Variants in TRAF2 observed in about 807,000 individuals in gnomAD.
TRAF2 encodes TNF receptor associated factor 2.
A neutral mutation model predicts 55.6 loss-of-function variants in TRAF2; 6 were observed. The observed-to-expected ratio is 0.11, with a 90% confidence interval of 0.06 to 0.21. The LOEUF (loss-of-function observed/expected upper bound fraction) is 0.21. Ranked by LOEUF, TRAF2 falls within the 10% of genes least tolerant of loss-of-function variation. The pLI, the probability that TRAF2 is intolerant of heterozygous loss-of-function variation, is 1.00. For synonymous variants in TRAF2, 329 were observed against 276.3 expected (o/e 1.19, Z -1.89); for missense variants, 561 against 684.5 (o/e 0.82, Z 2.01).
chr9:136,900,565 C>A, intron 4 of TRAF2, 45 bp downstream of exon 4: 1 of 1,536,664 alleles, frequency 6.5e-7, no homozygotes, highest in South Asian at 1.1e-5. Flanking sequence ...CTCCAGCAGT[C>A]GGGAGTCGTC....
Position 136,921,042 on chromosome 9 carries a change from A to G in TRAF2, c.965A>G (p.Gln322Arg). Reference sequence around the variant, plus strand: ...GGTGGTCTTGGCACCCGGCAGGTGCAGCAGCTGGAGAGGAGCATTGGCCTC... The same window carrying G: ...GGTGGTCTTGGCACCCGGCAGGTGCGGCAGCTGGAGAGGAGCATTGGCCTC... Reference protein sequence around the residue: ...DKIEALSSKVQQLERSIGLKD... With the variant: ...DKIEALSSKVRQLERSIGLKD... The change falls in exon 9 of 11, where the codon CAG becomes CGG. Residue 322 changes from glutamine (Q) to arginine (R), a missense_variant. By Grantham distance (43) the Gln-to-Arg change is conservative. Around this residue, in one of 2 missense-constraint regions of TRAF2, gnomAD observed 426 missense variants for 476.8 expected, o/e 0.89. Coordinates refer to ENST00000247668, the MANE Select transcript of TRAF2 (RefSeq NM_021138.4). The G allele has an allele frequency of 1.9e-6, 3 of 1,613,756 alleles. No individual in the cohort carries two copies. In the South Asian group the frequency reaches 3.3e-5, roughly 18 times the overall value.
chr9:136,884,457 G>A (rs368747397), upstream of TRAF2, among the ~76,000 whole-genome samples: 12 of 152,210 alleles, frequency 7.9e-5, no homozygotes, highest in African/African-American at 2.9e-4. Context: ...CTACTCCGGA[G>A]GCTTAGGCAG....
chr9:136,912,185 CAG>C (rs535305501), intron 6 of TRAF2, among the ~76,000 whole-genome samples: 15 of 81,610 alleles, frequency 1.8e-4, no homozygotes, highest in Admixed American at 5.9e-4. Context: ...TTTTTGGAGA[CAG>C]AGTCTCACTC....
Position 136,898,842 on chromosome 9 carries a change from C to T in TRAF2, c.102C>T (p.Cys34=), listed in dbSNP as rs761999338. The T allele has an allele frequency of 2.6e-5, 42 of 1,613,726 alleles. No homozygotes were observed. The highest frequency in any genetic ancestry group is 3.3e-4 in the Middle Eastern group (2 of 6,058). The change falls in exon 2 of 11, where the codon TGC becomes TGT. Residue 34 remains cysteine, a synonymous_variant. Coordinates refer to ENST00000247668, the MANE Select transcript of TRAF2 (RefSeq NM_021138.4). ...CCAAGCTGGAAGCCAAGTACCTGTG[C>T]TCCGCCTGCAGAAACGTCCTCCGCA... ...LGTKLEAKYL[C]SACRNVLRRP... is the part of the protein sequence containing the mutation.
chr9:136,920,133 C>A, intron 7 of TRAF2, 101 bp from the exon 8 acceptor site: 2 of 1,418,786 alleles, frequency 1.4e-6, no homozygotes, highest in Non-Finnish European at 1.9e-6. Context: ...TGACCCTGGC[C>A]TGTCTCCTCA....
chr9:136,886,522 G>A lies in TRAF2; in HGVS notation c.-48G>A. On this transcript the variant is annotated 5_prime_UTR_variant, in exon 1 of 11. Coordinates refer to ENST00000247668, the MANE Select transcript of TRAF2 (RefSeq NM_021138.4). ...GGTAGCTGGGCGGGCCCTTAGTTCC[G>A]GGCGCGCTGCGACCGTTGGGTGAGG... 1.0e-6 allele frequency: 1 copy of A among 990,438 alleles called. No homozygotes were observed. The highest frequency in any genetic ancestry group is 1.2e-6 in the Non-Finnish European group (1 of 833,390). The allele number at this position is 990,438 out of a possible 1,614,324, so 61.4% of individuals were successfully genotyped here.
chr9:136,885,648 G>A (rs2131266319), upstream of TRAF2, among the ~76,000 whole-genome samples: 1 of 152,254 alleles, frequency 6.6e-6, no homozygotes, highest in Non-Finnish European at 1.5e-5. Flanking sequence ...GGCGCCTGTA[G>A]TCCCAGCTAC....
intron 1 of TRAF2, among the ~76,000 whole-genome samples, chr9:136,887,147 T>G (rs1216411314): frequency 6.6e-6 from 1 of 151,944 alleles, no homozygotes; most frequent in African/African-American, 2.4e-5. Context: ...CTCTGGCTGC[T>G]GGGAGGGTCG....
At chr9:136,920,625 A>G in intron 8 of TRAF2, 110 bp downstream of exon 8, 1 of 1,374,966 alleles carries the variant, frequency 7.3e-7, no homozygotes, top group South Asian at 1.5e-5. Flanking sequence ...CGGACAATGT[A>G]GAACTCCATC....
At chr9:136,888,103 T>G (rs1373704045) in intron 1 of TRAF2, among the ~76,000 whole-genome samples, 1 of 152,058 alleles carries the variant, frequency 6.6e-6, no homozygotes, top group Non-Finnish European at 1.5e-5. Context: ...ACTCTTGACC[T>G]TAGGTGATCC....
chr9:136,908,189 C>T lies in TRAF2; in HGVS notation c.486C>T (p.Ser162=), dbSNP rs768718502. 10 of 1,600,374 alleles carry T rather than the reference C, an allele frequency of 6.2e-6. No individual in the cohort carries two copies. Among genetic ancestry groups the T allele is most frequent in the East Asian group, 4.5e-5 (2 of 44,866 alleles). The change falls in exon 5 of 11, where the codon AGC becomes AGT. Residue 162 remains serine (S), a synonymous_variant. Transcript: ENST00000247668. ...ACGAGTGCCCGGAGAGAAGCCTGAGCTGCCGGCATTGCCGGGCACCCTGCT... is the reference window on the plus strand; with the variant it reads ...ACGAGTGCCCGGAGAGAAGCCTGAGTTGCCGGCATTGCCGGGCACCCTGCT... ...LEHECPERSL[S]CRHCRAPCCG... is the part of the protein sequence containing the mutation.
chr9:136,888,488 C>T (rs890019127), intron 1 of TRAF2, among the ~76,000 whole-genome samples: 1 of 152,162 alleles, frequency 6.6e-6, no homozygotes. Context: ...TTGTATGAAG[C>T]AGTTGTGTGC....
chr9:136,921,775 A>AG (rs1429671652), intron 9 of TRAF2, among the ~76,000 whole-genome samples: 8 of 148,354 alleles, frequency 5.4e-5, no homozygotes, highest in African/African-American at 1.7e-4. Flanking sequence ...ACTGCTGGAG[A>AG]GGGGGTGGGG....
intron 7 of TRAF2, among the ~76,000 whole-genome samples, chr9:136,918,225 G>GTT (rs1182392869): frequency 8.1e-5 from 7 of 86,500 alleles, no homozygotes; most frequent in Non-Finnish European, 2.1e-5. Context: ...AGAGTGTTTT[G>GTT]TTTATATATA....
upstream of TRAF2, chr9:136,882,671 G>A (rs1047564721): frequency 2.0e-6 from 2 of 985,504 alleles, no homozygotes; most frequent in African/African-American, 3.5e-5. Flanking sequence ...CGGCAGGAAG[G>A]AGCCCACGTG....
At chr9:136,914,844 C>T (rs1475501016) in intron 6 of TRAF2, among the ~76,000 whole-genome samples, 1 of 151,918 alleles carries the variant, frequency 6.6e-6, no homozygotes, top group African/African-American at 2.4e-5. Flanking sequence ...CCACGGAGGC[C>T]CATTTGTTTC....
At chr9:136,918,341 C>G (rs1850297319) in intron 7 of TRAF2, among the ~76,000 whole-genome samples, 1 of 150,522 alleles carries the variant, frequency 6.6e-6, no homozygotes, top group South Asian at 2.1e-4. Context: ...ATGATCTCAG[C>G]TCACTGCAAC....
At chr9:136,894,509 A>C (rs549514088) in intron 1 of TRAF2, among the ~76,000 whole-genome samples, 1 of 152,272 alleles carries the variant, frequency 6.6e-6, no homozygotes, top group South Asian at 2.1e-4. Context: ...GCAGGTGTGC[A>C]GATCCATAGG....
chr9:136,889,113 G>C (rs1306921704), intron 1 of TRAF2, among the ~76,000 whole-genome samples: 2 of 152,080 alleles, frequency 1.3e-5, no homozygotes. Flanking sequence ...CGCCCACCTC[G>C]GCCTCCCAGA....
Sources: allele counts gnomAD v4.1 joint callset (sites outside exome capture counted in the v4.1 genomes callset), GRCh38; gene constraint gnomAD v4.1.1; regional missense constraint gnomAD v4.1.1; transcripts MANE v1.5; gene names NCBI Gene and HGNC (gene_info 2026-07-23, HGNC 2026-07-21).